SIPA1L1: variants seen among roughly 807,000 people sequenced by gnomAD.
SIPA1L1 encodes signal-induced proliferation-associated 1-like protein 1.
SIPA1L1 carries 26 observed loss-of-function variants against 162.7 expected under a neutral mutation model. The observed-to-expected ratio is 0.16, with a 90% confidence interval of 0.12 to 0.22. SIPA1L1 has a LOEUF of 0.22. SIPA1L1 is among the 10% of genes least tolerant of loss of function. The pLI, the probability that SIPA1L1 is intolerant of heterozygous loss-of-function variation, is 1.00. For synonymous variants in SIPA1L1, 829 were observed against 837.4 expected (o/e 0.99, Z 0.17); for missense variants, 1,874 against 2,241.0 (o/e 0.84, Z 3.31).
At chr14:71,324,627 G>A (rs2033573386) in intron 2 of SIPA1L1, among the ~76,000 whole-genome samples, 1 of 152,226 alleles carries the variant, frequency 6.6e-6, no homozygotes, top group African/African-American at 2.4e-5. Context: ...AGTAGAGCCT[G>A]TAGGCTTTTT....
At chr14:71,487,320 A>C (rs1308750354) in intron 2 of SIPA1L1, among the ~76,000 whole-genome samples, 1 of 152,166 alleles carries the variant, frequency 6.6e-6, no homozygotes, top group Non-Finnish European at 1.5e-5. Context: ...TGCCTACCGC[A>C]TCATAGAGAG....
intron 2 of SIPA1L1, among the ~76,000 whole-genome samples, chr14:71,396,025 T>C (rs2041164580): frequency 6.6e-6 from 1 of 152,118 alleles, no homozygotes; most frequent in Non-Finnish European, 1.5e-5. Context: ...TGTCCTGTGC[T>C]CCTTAGAGAA....
Position 71,684,849 on chromosome 14 carries a change from C to T in SIPA1L1, c.3105-513C>T, listed in dbSNP as rs999581251. 1.3e-5 allele frequency among the ~76,000 whole-genome samples: 2 copies of T among 151,418 alleles called. 1 individual carries two copies. Among genetic ancestry groups the T allele is most frequent in the African/African-American group, 4.9e-5 (2 of 41,120 alleles). On this transcript the variant is annotated intron_variant, in intron 12 of 23. Coordinates refer to ENST00000381232, the MANE Select transcript of SIPA1L1 (RefSeq NM_001386936.1). ...GCTGCTTGTATACCCTTTTGGAGCCCCAGTCATGGTGTACAATGGCAGGTG... is the reference window on the plus strand; with the variant it reads ...GCTGCTTGTATACCCTTTTGGAGCCTCAGTCATGGTGTACAATGGCAGGTG...
At chr14:71,521,259 C>T (rs899157863) in intron 3 of SIPA1L1, among the ~76,000 whole-genome samples, 14 of 152,112 alleles carry the variant, frequency 9.2e-5, no homozygotes, top group African/African-American at 2.7e-4. Context: ...ATAAGTTTTA[C>T]GTGACACAGG....
intron 7 of SIPA1L1, among the ~76,000 whole-genome samples, chr14:71,638,536 TGAA>T (rs1263559721): frequency 6.6e-6 from 1 of 152,230 alleles, no homozygotes; most frequent in Non-Finnish European, 1.5e-5. Flanking sequence ...CTCAGCTTGA[TGAA>T]GAACATCTAC....
At chr14:71,651,100 A>G (rs1252446260) in intron 8 of SIPA1L1, among the ~76,000 whole-genome samples, 1 of 152,248 alleles carries the variant, frequency 6.6e-6, no homozygotes, top group Non-Finnish European at 1.5e-5. Context: ...ACTATGGTGC[A>G]TGAACCTAAA....
At chr14:71,590,039 AAAAAAATATATATAT>A (rs1338981719) in intron 5 of SIPA1L1, among the ~76,000 whole-genome samples, 823 of 74,028 alleles carry the variant, frequency 0.011, 9 homozygotes, top group South Asian at 0.053. Flanking sequence ...AAAAAAAAAA[AAAAAAATATATATAT>A]ATATATATAT....
intron 2 of SIPA1L1, among the ~76,000 whole-genome samples, chr14:71,355,095 T>C (rs980042815): frequency 1.3e-5 from 2 of 152,262 alleles, no homozygotes; most frequent in Non-Finnish European, 2.9e-5. Context: ...GCGATCTTTA[T>C]AAAGTTTTGC....
intron 22 of SIPA1L1, among the ~76,000 whole-genome samples, chr14:71,736,303 A>G (rs930365520): frequency 5.3e-5 from 8 of 152,242 alleles, no homozygotes; most frequent in African/African-American, 1.9e-4. Context: ...AAGCCAATGC[A>G]TGAGAATCAC....
At chr14:71,594,730 T>C (rs565420787) in intron 5 of SIPA1L1, among the ~76,000 whole-genome samples, 7 of 152,372 alleles carry the variant, frequency 4.6e-5, no homozygotes, top group East Asian at 1.9e-4. Flanking sequence ...CATGTTTTTA[T>C]TGAAGTATTT....
chr14:71,514,017 G>A (rs2051447744), intron 3 of SIPA1L1, among the ~76,000 whole-genome samples: 1 of 152,074 alleles, frequency 6.6e-6, no homozygotes, highest in Non-Finnish European at 1.5e-5. Context: ...TGCCTCCTCA[G>A]AAGAAAAAAA....
intron 5 of SIPA1L1, among the ~76,000 whole-genome samples, chr14:71,607,506 C>T (rs1430859795): frequency 1.3e-5 from 2 of 152,008 alleles, no homozygotes; most frequent in African/African-American, 4.8e-5. Context: ...AGTGAGACAC[C>T]ATCACTACAG....
At chr14:71,454,823 C>G (rs996958477) in intron 2 of SIPA1L1, among the ~76,000 whole-genome samples, 2 of 152,206 alleles carry the variant, frequency 1.3e-5, no homozygotes, top group African/African-American at 4.8e-5. Flanking sequence ...GAGATGGGCC[C>G]TATAAGCTCT....
At chr14:71,606,074 C>T (rs939176032) in intron 5 of SIPA1L1, among the ~76,000 whole-genome samples, 9 of 152,244 alleles carry the variant, frequency 5.9e-5, no homozygotes, top group Non-Finnish European at 1.3e-4. Context: ...CTATGGTGGG[C>T]AGGGGCTGAG....
rs1041904913 is a variant in SIPA1L1, at chr14:71,377,071, G to C, written c.-465+55890G>C. Among the ~76,000 whole-genome samples the C allele has an allele frequency of 1.3e-5, 2 of 151,836 alleles. No individual in the cohort carries two copies. The highest frequency in any genetic ancestry group is 2.9e-5 in the Non-Finnish European group (2 of 68,012). On this transcript the variant is annotated intron_variant, in intron 2 of 23. Coordinates refer to ENST00000381232, the MANE Select transcript of SIPA1L1 (RefSeq NM_001386936.1). The surrounding 1 kb of genome is among the most constrained non-coding windows in gnomAD (Gnocchi z 4.8). ...GGTACACCTCCCAGACGGGGTGGCA[G>C]CTGGGCAGAGGGGCTCCTCACTTTC...
At chr14:71,406,251 A>C (rs957752589) in intron 2 of SIPA1L1, among the ~76,000 whole-genome samples, 4 of 152,136 alleles carry the variant, frequency 2.6e-5, no homozygotes, top group African/African-American at 9.7e-5. Context: ...AAGATAACTA[A>C]CCTATAAAAA....
At chr14:71,721,987 T>C (rs1215976729) in intron 17 of SIPA1L1, among the ~76,000 whole-genome samples, 1 of 152,198 alleles carries the variant, frequency 6.6e-6, no homozygotes, top group Non-Finnish European at 1.5e-5. Flanking sequence ...GTCTAAATGC[T>C]CTGTCCGTGG....
chr14:71,501,572 G>T (rs2050216656), intron 2 of SIPA1L1, among the ~76,000 whole-genome samples: 1 of 152,164 alleles, frequency 6.6e-6, no homozygotes, highest in East Asian at 1.9e-4. Context: ...TAGCACTGGA[G>T]GTTACTGAGG....
chr14:71,449,603 A>G (rs2045664194), intron 2 of SIPA1L1, among the ~76,000 whole-genome samples: 1 of 152,224 alleles, frequency 6.6e-6, no homozygotes, highest in East Asian at 1.9e-4. Flanking sequence ...AAATCAGGAA[A>G]TACTGGTATA....
Sources: gnomAD v4.1 joint callset for allele counts (sites outside exome capture counted in the v4.1 genomes callset) on GRCh38, gnomAD v4.1.1 for gene constraint, Gnocchi (gnomAD v3.1) non-coding constraint, MANE v1.5 for transcripts, NCBI Gene and HGNC (gene_info 2026-07-23, HGNC 2026-07-21) for gene names.